Variants in FANK1 observed in about 807,000 individuals in gnomAD.
The protein encoded by FANK1 is fibronectin type III and ankyrin repeat domains 1.
Under a neutral mutation model 45.3 loss-of-function variants are expected in FANK1, and 44 were observed. That is an observed-to-expected ratio of 0.97 (90% CI 0.76 to 1.25). FANK1 has a LOEUF of 1.25. Ranked by LOEUF, FANK1 falls within the 50% of genes most tolerant of loss-of-function variation. FANK1 has a pLI of 0.00. For missense variants in FANK1, 391 were observed against 424.4 expected (o/e 0.92, Z 0.69); for synonymous variants, 149 against 152.5 (o/e 0.98, Z 0.17).
intron 1 of FANK1, among the ~76,000 whole-genome samples, chr10:125,955,568 C>T (rs1949525298): frequency 6.6e-6 from 1 of 152,100 alleles, no homozygotes; most frequent in Admixed American, 6.5e-5. Context: ...GCAGCCTTGA[C>T]CTCCCAGGCT....
intron 6 of FANK1, among the ~76,000 whole-genome samples, chr10:126,001,785 G>T (rs184564497): frequency 6.6e-6 from 1 of 152,002 alleles, no homozygotes; most frequent in Non-Finnish European, 1.5e-5. Context: ...AAGGAAGAGC[G>T]CCTGGTCTCA....
In FANK1 at chr10:125,950,013, G is replaced by A. The variant is rs1382018450; in HGVS notation, c.14-30148G>A. Reference sequence around the variant, plus strand: ...CAAACGTGAGAAAAACAAGCAATGGGGAAAGGATTCCCTATTTAATAAATG... The same window carrying A: ...CAAACGTGAGAAAAACAAGCAATGGAGAAAGGATTCCCTATTTAATAAATG... On this transcript the variant is annotated intron_variant, in intron 1 of 10. Coordinates refer to ENST00000368693, the MANE Select transcript of FANK1 (RefSeq NM_145235.5). Among the ~76,000 whole-genome samples the A allele has an allele frequency of 4.8e-5, 6 of 124,354 alleles. 1 individual carries two copies. Among genetic ancestry groups the A allele is most frequent in the Non-Finnish European group, 1.1e-4 (6 of 56,544 alleles). The allele number at this position is 124,354 out of a possible 152,430, so 81.6% of individuals were successfully genotyped here.
rs544506461 is a variant in FANK1 at position 125,983,348 on chromosome 10, T to C, written c.191+3010T>C. ...TATTCCATCAGCGTGTATTATTGAG[T>C]GTCTGCCGTGTGTCAGACACTGCTC... On this transcript the variant is annotated intron_variant, in intron 2 of 10. Transcript: ENST00000368693. The surrounding 1 kb of genome is among the most constrained non-coding windows in gnomAD (Gnocchi z 4.3). 2.0e-5 allele frequency among the ~76,000 whole-genome samples: 3 copies of C among 152,264 alleles called. No individual in the cohort carries two copies. In the East Asian group the frequency reaches 5.8e-4, roughly 29 times the overall value.
intron 3 of FANK1, among the ~76,000 whole-genome samples, chr10:125,990,114 C>T (rs1951827836): frequency 6.6e-6 from 1 of 152,200 alleles, no homozygotes; most frequent in African/African-American, 2.4e-5. Flanking sequence ...ACATGCCTTC[C>T]CTCCTCCCCA....
At chr10:125,979,487 T>C (rs56132121) in intron 1 of FANK1, among the ~76,000 whole-genome samples, 60,094 of 151,806 alleles carry the variant, frequency 0.4, 12,021 homozygotes, top group South Asian at 0.46. Context: ...TCACTACAAC[T>C]GGCACATGAG....
intron 1 of FANK1, among the ~76,000 whole-genome samples, chr10:125,901,127 A>G (rs1022460669): frequency 2.0e-5 from 3 of 152,076 alleles, no homozygotes; most frequent in Non-Finnish European, 4.4e-5. Context: ...TAGATAAGAG[A>G]TCTAAGGTAT....
At chr10:125,956,912 G>A (rs997112502) in intron 1 of FANK1, among the ~76,000 whole-genome samples, 6 of 152,250 alleles carry the variant, frequency 3.9e-5, no homozygotes, top group African/African-American at 7.2e-5. Context: ...GCAATGGCGC[G>A]ATCTCAGCTC....
At chr10:125,961,163 A>G (rs547668846) in intron 1 of FANK1, among the ~76,000 whole-genome samples, 1 of 152,254 alleles carries the variant, frequency 6.6e-6, no homozygotes, top group East Asian at 1.9e-4. Flanking sequence ...CTGGAGTGCA[A>G]TGGCATGATC....
intron 2 of FANK1, among the ~76,000 whole-genome samples, chr10:125,984,255 C>G (rs1028647790): frequency 8.5e-5 from 13 of 152,226 alleles, no homozygotes; most frequent in African/African-American, 2.9e-4. Context: ...GCGGCAGCCT[C>G]TGCGTGAACA....
chr10:125,910,094 T>C (rs1945869757), intron 1 of FANK1, among the ~76,000 whole-genome samples: 1 of 152,232 alleles, frequency 6.6e-6, no homozygotes. Flanking sequence ...TACCAATTAC[T>C]TTAAAGTTCA....
At chr10:125,998,590 A>G (rs988500624) in intron 6 of FANK1, among the ~76,000 whole-genome samples, 2 of 152,212 alleles carry the variant, frequency 1.3e-5, no homozygotes, top group African/African-American at 4.8e-5. Context: ...CCTCTTAAAC[A>G]AAAAGCTATC....
At chr10:125,968,080 C>CT (rs879713092) in intron 1 of FANK1, among the ~76,000 whole-genome samples, 416 of 145,026 alleles carry the variant, frequency 2.9e-3, no homozygotes, top group Middle Eastern at 7.1e-3. Flanking sequence ...TTAATTTCTT[C>CT]TTTTTTTTTT....
intron 1 of FANK1, among the ~76,000 whole-genome samples, chr10:125,918,095 A>G (rs1589844094): frequency 6.6e-6 from 1 of 152,106 alleles, no homozygotes; most frequent in East Asian, 1.9e-4. Context: ...AGAAAAAAAA[A>G]GGGTAGTTTG....
chr10:125,929,323 G>A (rs1248423591), intron 1 of FANK1, among the ~76,000 whole-genome samples: 2 of 152,236 alleles, frequency 1.3e-5, no homozygotes, highest in African/African-American at 2.4e-5. Flanking sequence ...TCTGTCTGGT[G>A]TGGTATCCTG....
At chr10:125,908,700 G>C (rs1945741860) in intron 1 of FANK1, among the ~76,000 whole-genome samples, 1 of 151,670 alleles carries the variant, frequency 6.6e-6, no homozygotes, top group African/African-American at 2.4e-5. Context: ...CACCACTAAA[G>C]AACTTACTCA....
chr10:125,921,870 CTCATTTGATTGCTT>C (rs1946970610), intron 1 of FANK1, among the ~76,000 whole-genome samples: 1 of 152,128 alleles, frequency 6.6e-6, no homozygotes, highest in African/African-American at 2.4e-5. Flanking sequence ...TAGAGGCTTC[CTCATTTGATTGCTT>C]TCCACCTTCC....
At chr10:125,951,474 A>C (rs1047705732) in intron 1 of FANK1, among the ~76,000 whole-genome samples, 2 of 152,204 alleles carry the variant, frequency 1.3e-5, no homozygotes, top group African/African-American at 4.8e-5. Context: ...ATGAAAGTTC[A>C]AGGTACTTAG....
rs891004755 is a variant in FANK1 at position 125,968,085 on chromosome 10, T to C, written c.14-12076T>C. Among the ~76,000 whole-genome samples, 79 of 152,068 alleles carry C rather than the reference T, an allele frequency of 5.2e-4. 5 individuals are homozygous for C. Among genetic ancestry groups the C allele is most frequent in the Admixed American group, 5.1e-3 (78 of 15,268 alleles). The stretch of plus-strand genomic sequence containing the variant: ...TACAGTTATTTTAATTTCTTCTTTT[T>C]TTTTTTTCTTTCTGAGACAGGGTCT... On this transcript the variant is annotated intron_variant, in intron 1 of 10. Transcript: ENST00000368693.
At chr10:125,923,733 G>T (rs973587496) in intron 1 of FANK1, among the ~76,000 whole-genome samples, 2 of 151,908 alleles carry the variant, frequency 1.3e-5, no homozygotes, top group African/African-American at 4.8e-5. Flanking sequence ...TTGCCATGTT[G>T]CCCAGGCTGG....
Sources: gnomAD v4.1 joint callset for allele counts (sites outside exome capture counted in the v4.1 genomes callset) on GRCh38, gnomAD v4.1.1 for gene constraint, Gnocchi (gnomAD v3.1) non-coding constraint, MANE v1.5 for transcripts, NCBI Gene and HGNC (gene_info 2026-07-23, HGNC 2026-07-21) for gene names.